INCENP: variants seen among roughly 807,000 people sequenced by gnomAD.
INCENP encodes binds and activates aurora-B and -C in vivo and in vitro.
A neutral mutation model predicts 107.3 loss-of-function variants in INCENP; 43 were observed. That is an observed-to-expected ratio of 0.40 (90% CI 0.31 to 0.52). The LOEUF is 0.52. Among genes scored for constraint, INCENP ranks in the 20% least tolerant of loss-of-function variants. The pLI, the probability that INCENP is intolerant of heterozygous loss-of-function variation, is 0.53. For synonymous variants in INCENP, 488 were observed against 494.4 expected (o/e 0.99, Z 0.17); for missense variants, 1,089 against 1,250.9 (o/e 0.87, Z 1.95).
At chr11:62,144,807 G>T (rs1944201417) in intron 11 of INCENP, 175 bp from the exon 12 acceptor site, 8 of 768,610 alleles carry the variant, frequency 1.0e-5, no homozygotes, top group Non-Finnish European at 1.9e-5. Context: ...GGCGGGAGCT[G>T]CGGGCCTTGG....
intron 15 of INCENP, among the ~76,000 whole-genome samples, chr11:62,148,138 T>A (rs2134679190): frequency 6.6e-6 from 1 of 152,234 alleles, no homozygotes; most frequent in East Asian, 1.9e-4. Context: ...AAAAGGGGTA[T>A]TGTGGATTAT....
Position 62,151,807 on chromosome 11 carries a change from C to T in INCENP, c.2588C>T (p.Pro863Leu), listed in dbSNP as rs747611546. ...QAIIHQYYHP[P>L]NLLELFGTIL... ...ATCATTCACCAGTACTACCACCCACCGAACCTTCTGGAGCTCTTTGGAACC... is the reference window on the plus strand; with the variant it reads ...ATCATTCACCAGTACTACCACCCACTGAACCTTCTGGAGCTCTTTGGAACC... The change falls in exon 19 of 19, where the codon CCG (proline) becomes CTG (leucine). Residue 863 changes from proline to leucine, a missense_variant. Coordinates refer to ENST00000394818, the MANE Select transcript of INCENP (RefSeq NM_001040694.2). 25 of 1,614,046 alleles carry T rather than the reference C, an allele frequency of 1.5e-5. No individual in the cohort carries two copies. The highest frequency in any genetic ancestry group is 8.9e-5 in the East Asian group (4 of 44,888).
chr11:62,147,905 C>T (rs1590628940), intron 15 of INCENP, among the ~76,000 whole-genome samples: 1 of 152,194 alleles, frequency 6.6e-6, no homozygotes. Context: ...TTGGTGGGTA[C>T]CCGAGCTGCA....
intron 11 of INCENP, among the ~76,000 whole-genome samples, chr11:62,143,639 C>T (rs1022783196): frequency 2.0e-5 from 3 of 152,282 alleles, no homozygotes; most frequent in African/African-American, 7.2e-5. Context: ...CCCTTCTCTC[C>T]GTCTTTGGGA....
Position 62,148,753 on chromosome 11 carries a change from T to A in INCENP, c.2298T>A (p.Arg766=). ...EEKKKKEEQQ[R]LAERQLQEEQ... ...CTGGGTTCCAGGAAGAGCAGCAGCGTCTGGCTGAGCGGCAGCTGCAGGAGG... is the reference window on the plus strand; with the variant it reads ...CTGGGTTCCAGGAAGAGCAGCAGCGACTGGCTGAGCGGCAGCTGCAGGAGG... Residue 766 remains arginine, a synonymous_variant, in exon 17 of 19, where the codon CGT becomes CGA. Transcript: ENST00000394818. 1 of 1,595,608 alleles carries A rather than the reference T, an allele frequency of 6.3e-7. No individual in the cohort carries two copies. Among genetic ancestry groups the A allele is most frequent in the Non-Finnish European group, 8.5e-7 (1 of 1,172,120 alleles).
intron 11 of INCENP, 27 bp downstream of exon 11, chr11:62,141,538 ACCTCGCCCCACCTAG>A (rs757490573): frequency 1.2e-6 from 2 of 1,613,810 alleles, no homozygotes; most frequent in East Asian, 4.5e-5. Context: ...CCTGTCGGTA[ACCTCGCCCCACCTAG>A]CACTCACCCG....
intron 4 of INCENP, among the ~76,000 whole-genome samples, chr11:62,131,186 G>A (rs1943886304): frequency 1.3e-5 from 2 of 152,228 alleles, no homozygotes; most frequent in South Asian, 2.1e-4. Context: ...TCTGGAGCTG[G>A]CCGGCCTGGG....
rs1590631563 is a variant in INCENP at position 62,150,297 on chromosome 11, T to C, written c.2542+90T>C. 2.2e-6 allele frequency: 3 copies of C among 1,390,668 alleles called. No individual in the cohort carries two copies. The East Asian group carries it at 6.9e-5, about 32-fold the overall frequency. 86.1% of individuals were successfully genotyped at this position (1,390,668 alleles called of 1,614,324 possible). A position where few individuals can be genotyped will look rare whatever the true frequency, so the allele number is the denominator to read the frequency against. ...GGAAGTAGTGGGTTGGCTGCTGCGG[T>C]GTTGGGAGGCTGCCGTGTGCTTCAG... On this transcript the variant is annotated intron_variant, in intron 18 of 18. Coordinates refer to ENST00000394818, the MANE Select transcript of INCENP (RefSeq NM_001040694.2).
intron 1 of INCENP, 79 bp from the exon 2 acceptor site, chr11:62,128,072 T>A: frequency 1.4e-6 from 2 of 1,447,966 alleles, no homozygotes; most frequent in Non-Finnish European, 1.9e-6. Flanking sequence ...GTGGGTCAGG[T>A]GGGTATTGCA....
chr11:62,137,593 G>A (rs779289097), intron 4 of INCENP, among the ~76,000 whole-genome samples: 6 of 152,186 alleles, frequency 3.9e-5, no homozygotes, highest in Non-Finnish European at 5.9e-5. Flanking sequence ...GTGCCCAGCC[G>A]TGCTCTCAGA....
chr11:62,147,027 C>T (rs1944266903), intron 15 of INCENP, 125 bp downstream of exon 15: 2 of 1,438,656 alleles, frequency 1.4e-6, no homozygotes, highest in South Asian at 1.3e-5. Flanking sequence ...GGCACCAAAC[C>T]CAGAGGCCCA....
intron 1 of INCENP, among the ~76,000 whole-genome samples, chr11:62,125,370 C>G (rs938552547): frequency 5.3e-5 from 8 of 152,230 alleles, no homozygotes; most frequent in Non-Finnish European, 1.0e-4. Flanking sequence ...AAAAAGTTAG[C>G]CAGTTGTTGC....
intron 11 of INCENP, 140 bp downstream of exon 11, chr11:62,141,651 G>A (rs545740180): frequency 1.0e-5 from 12 of 1,168,684 alleles, no homozygotes; most frequent in African/African-American, 1.5e-5. Context: ...AGAGTGGGAC[G>A]GTGAGGGGTG....
At position 62,145,630 on chromosome 11, in the gene INCENP, C is replaced by T; in HGVS notation, c.1838C>T (p.Ala613Val). 1 of 1,593,632 alleles carries T rather than the reference C, an allele frequency of 6.3e-7. No individual in the cohort carries two copies. Residue 613 changes from alanine to valine, a missense_variant and splice_region_variant, in exon 14 of 19, where the codon GCC (alanine) becomes GTC (valine). Physicochemically the swap from Ala to Val is moderately conservative, Grantham distance 64 (BLOSUM62 0). Transcript: ENST00000394818. The stretch of plus-strand genomic sequence containing the variant: ...GGCATGTGTGGGTGGGCTCTGCAGG[C>T]CAAGGAGGAGCGGCTGGCAGAGGAG... Reference protein sequence around the residue: ...FAQIDEKTEKAKEERLAEEKA... With the variant: ...FAQIDEKTEKVKEERLAEEKA...
At chr11:62,147,573 A>G (rs530294969) in intron 15 of INCENP, among the ~76,000 whole-genome samples, 125 of 152,282 alleles carry the variant, frequency 8.2e-4, no homozygotes, top group African/African-American at 2.8e-3. Flanking sequence ...GTGTGCACAG[A>G]AGTAGAGCAC....
intron 18 of INCENP, 43 bp from the exon 19 acceptor site, chr11:62,151,719 A>G (rs760487067): frequency 1.7e-5 from 26 of 1,556,126 alleles, no homozygotes; most frequent in Non-Finnish European, 2.7e-6. Context: ...GGGGAGGTTC[A>G]TGGAGAGCCC....
intron 14 of INCENP, among the ~76,000 whole-genome samples, chr11:62,146,309 C>G (rs1448342847): frequency 6.6e-6 from 1 of 152,194 alleles, no homozygotes; most frequent in East Asian, 1.9e-4. Context: ...TTGTGCGTAT[C>G]AACCCAGCAA....
intron 17 of INCENP, among the ~76,000 whole-genome samples, chr11:62,149,546 C>A (rs578017098): frequency 1.3e-5 from 2 of 152,244 alleles, no homozygotes; most frequent in Non-Finnish European, 2.9e-5. Context: ...ATTCTAGACA[C>A]ACTGACCTGG....
intron 17 of INCENP, among the ~76,000 whole-genome samples, chr11:62,149,496 C>T (rs988542452): frequency 3.9e-5 from 6 of 152,134 alleles, no homozygotes; most frequent in Non-Finnish European, 5.9e-5. Flanking sequence ...TGGATGGTTA[C>T]GTTGCAAATC....
Sources: gnomAD v4.1 joint callset for allele counts (sites outside exome capture counted in the v4.1 genomes callset) on GRCh38, gnomAD v4.1.1 for gene constraint, MANE v1.5 for transcripts, NCBI Gene and HGNC (gene_info 2026-07-23, HGNC 2026-07-21) for gene names.